Variants in YBEY observed in about 807,000 individuals in gnomAD.
YBEY encodes endoribonuclease YbeY.
Under a neutral mutation model 13.5 loss-of-function variants are expected in YBEY, and 15 were observed. That is an observed-to-expected ratio of 1.11 (90% confidence interval 0.75 to 1.72). The LOEUF (loss-of-function observed/expected upper bound fraction) is 1.72. YBEY is among the 40% of genes most tolerant of loss of function. YBEY has a pLI of 0.00. For synonymous variants in YBEY, 101 were observed against 83.1 expected (o/e 1.21, Z -1.17); for missense variants, 244 against 208.4 (o/e 1.17, Z -1.05).
the YBEY span, among the ~76,000 whole-genome samples, chr21:46,303,743 A>ATTT: frequency 5.1e-5 from 1 of 19,598 alleles, no homozygotes; most frequent in Non-Finnish European, 1.1e-4. Flanking sequence ...ATATATATAT[A>ATTT]TATTTTTTTT....
chr21:46,302,093 T>TGGA (rs1569112677), downstream of YBEY: 2 of 1,531,870 alleles, frequency 1.3e-6, no homozygotes, highest in Non-Finnish European at 8.8e-7. Flanking sequence ...GTGGTGGTGG[T>TGGA]GCACGGCAGG....
At position 46,288,628 on chromosome 21, in the gene YBEY, G is replaced by A. The variant is rs183916543; in HGVS notation, c.210+1505G>A. 6.6e-3 allele frequency among the ~76,000 whole-genome samples: 1,007 copies of A among 151,898 alleles called. 10 individuals are homozygous for A. The highest frequency in any genetic ancestry group is 0.023 in the African/African-American group (956 of 41,396). On this transcript the variant is annotated intron_variant, in intron 2 of 4. Transcript: ENST00000397701. Reference sequence around the variant, plus strand: ...AGGAAGTCGGAGGTTGCAGTGAGCTGAGATTGCACCACTGCACTCCAGCCT... The same window carrying A: ...AGGAAGTCGGAGGTTGCAGTGAGCTAAGATTGCACCACTGCACTCCAGCCT...
chr21:46,297,551 G>T lies in YBEY; in HGVS notation c.421G>T (p.Glu141Ter). ...TCCTTCCTTCCAGATGTTCCAGAAGGAGAAGGCGGTGCTGGACGAGCTGGG... is the reference window on the plus strand; with the variant it reads ...TCCTTCCTTCCAGATGTTCCAGAAGTAGAAGGCGGTGCTGGACGAGCTGGG... ...EAEWQQMFQK[E>*]KAVLDELGRR... Residue 141 changes from glutamate to a stop codon, truncating the protein, a stop_gained, in exon 5 of 5, where the codon GAG becomes TAG. Coordinates refer to ENST00000397701, the MANE Select transcript of YBEY (RefSeq NM_001314025.2). LOFTEE classifies it high-confidence loss of function. 1 of 1,396,362 alleles carries T rather than the reference G, an allele frequency of 7.2e-7. No homozygotes were observed. Among genetic ancestry groups the T allele is most frequent in the Non-Finnish European group, 9.4e-7 (1 of 1,062,976 alleles). The allele number at this position is 1,396,362 out of a possible 1,614,324, so 86.5% of individuals were successfully genotyped here. A position where few individuals can be genotyped will look rare whatever the true frequency, so the allele number is the denominator to read the frequency against.
downstream of YBEY, chr21:46,301,191 T>C (rs377177348): frequency 1.0e-4 from 61 of 598,284 alleles, 1 homozygote; most frequent in South Asian, 3.8e-3. Flanking sequence ...GTCCAGGCTA[T>C]AGTGCAGTGG....
intron 1 of YBEY, 196 bp from the exon 2 acceptor site, chr21:46,286,674 G>C (rs948329465): frequency 8.2e-6 from 3 of 364,648 alleles, no homozygotes; most frequent in African/African-American, 4.3e-5. Context: ...CGCCCGCCTG[G>C]AGTCCTTCTG....
At chr21:46,302,992 A>G in the YBEY span, among the ~76,000 whole-genome samples, 3 of 151,336 alleles carry the variant, frequency 2.0e-5, no homozygotes, top group South Asian at 6.2e-4. Context: ...GCGCGCCCTG[A>G]GTCTCTACTA....
chr21:46,303,708 AATATATATATATATATATAT>A, the YBEY span, among the ~76,000 whole-genome samples: 1 of 37,276 alleles, frequency 2.7e-5, no homozygotes, highest in African/African-American at 1.0e-4. Context: ...ACACACACAA[AATATATATATATATATATAT>A]ATATATATAT....
Position 46,297,520 on chromosome 21 carries a change from C to T in YBEY, c.409-19C>T. ...GGACACCTTCCCTGGGGAGGGCCAG[C>T]GCGCTTCCTTCCTTCCAGATGTTCC... is the stretch of plus-strand genomic sequence containing the variant. On this transcript the variant is annotated intron_variant, in intron 4 of 4. Transcript: ENST00000397701. 1 of 1,362,274 alleles carries T rather than the reference C, an allele frequency of 7.3e-7. No individual in the cohort carries two copies. Among genetic ancestry groups the T allele is most frequent in the East Asian group, 3.1e-5 (1 of 32,558 alleles). 84.4% of individuals were successfully genotyped at this position (1,362,274 alleles called of 1,614,324 possible).
downstream of YBEY, chr21:46,302,147 G>A (rs1337155314): frequency 6.0e-6 from 9 of 1,490,770 alleles, no homozygotes; most frequent in Non-Finnish European, 7.1e-6. Context: ...GGGCACATGT[G>A]GCGGGTCCTG....
At chr21:46,300,944 A>C, downstream of YBEY, 2 of 798,966 alleles carry the variant, frequency 2.5e-6, no homozygotes, top group Non-Finnish European at 3.4e-6. Context: ...CATGGTAAGA[A>C]ACCCCACAGC....
chr21:46,291,289 GGTTACGTTTCCT>G, intron 2 of YBEY, 33 bp from the exon 3 acceptor site: 1 of 1,611,318 alleles, frequency 6.2e-7, no homozygotes. Flanking sequence ...CCTGTGGTTG[GGTTACGTTTCCT>G]GTTCTCTAAG....
the YBEY span, among the ~76,000 whole-genome samples, chr21:46,310,326 C>T: frequency 6.6e-6 from 1 of 150,646 alleles, no homozygotes; most frequent in South Asian, 2.1e-4. Context: ...AAAAATACAA[C>T]AAAATAGCTG....
chr21:46,299,086 C>T (rs1393976793), downstream of YBEY, among the ~76,000 whole-genome samples: 5 of 150,254 alleles, frequency 3.3e-5, no homozygotes, highest in African/African-American at 9.8e-5. Context: ...CCTGCCTGAG[C>T]CTCCCAGGTA....
chr21:46,304,843 T>C, the YBEY span, among the ~76,000 whole-genome samples: 1 of 152,150 alleles, frequency 6.6e-6, no homozygotes, highest in Admixed American at 6.5e-5. Flanking sequence ...GATAGATAAA[T>C]GGAGGCAGAA....
At chr21:46,299,019 T>C (rs914249), downstream of YBEY, among the ~76,000 whole-genome samples, 90,218 of 150,156 alleles carry the variant, frequency 0.6, 28,714 homozygotes, top group Non-Finnish European at 0.71. Flanking sequence ...ACACACCGTG[T>C]CCGGCCCAAT....
intron 2 of YBEY, among the ~76,000 whole-genome samples, chr21:46,290,031 G>C (rs893689678): frequency 7.8e-6 from 1 of 128,742 alleles, no homozygotes; most frequent in Non-Finnish European, 1.7e-5. Context: ...TTGCAGTTTT[G>C]TATGTGTGTA....
chr21:46,302,597 G>C, downstream of YBEY: 10 of 1,589,024 alleles, frequency 6.3e-6, no homozygotes, highest in Non-Finnish European at 7.7e-6. Context: ...GAAGCAGGGG[G>C]ACCCTGAATA....
intron 2 of YBEY, among the ~76,000 whole-genome samples, chr21:46,289,626 G>A (rs11700444): frequency 0.31 from 46,505 of 148,088 alleles, 7,859 homozygotes; most frequent in Middle Eastern, 0.39. Flanking sequence ...TTTTTTTTTT[G>A]TATTTTTAGT....
At chr21:46,297,860 G>A, downstream of YBEY, 1 of 1,039,768 alleles carries the variant, frequency 9.6e-7, no homozygotes. Flanking sequence ...GGAGCACCGC[G>A]CAGCGCTCGC....
Sources: allele counts gnomAD v4.1 joint callset (sites outside exome capture counted in the v4.1 genomes callset), GRCh38; gene constraint gnomAD v4.1.1; transcripts MANE v1.5; gene names NCBI Gene and HGNC (gene_info 2026-07-23, HGNC 2026-07-21).